IGF2BP3: variants seen among roughly 807,000 people sequenced by gnomAD.
IGF2BP3 encodes the protein insulin-like growth factor 2 mRNA-binding protein 3.
Under a neutral mutation model 73.8 loss-of-function variants are expected in IGF2BP3, and 9 were observed. The ratio of observed to expected loss-of-function variants is 0.12; its 90% CI spans 0.07 to 0.21. The LOEUF is 0.21. Ranked by LOEUF, IGF2BP3 falls within the 10% of genes least tolerant of loss-of-function variation. The pLI, the probability that IGF2BP3 is intolerant of heterozygous loss-of-function variation, is 1.00. For synonymous variants in IGF2BP3, 258 were observed against 256.7 expected (o/e 1.01, Z -0.05); for missense variants, 542 against 714.0 (o/e 0.76, Z 2.75).
At chr7:23,313,433 T>C in intron 13 of IGF2BP3, 89 bp downstream of exon 13, 1 of 1,447,912 alleles carries the variant, frequency 6.9e-7, no homozygotes, top group Non-Finnish European at 9.3e-7. Flanking sequence ...TTTTTATAAA[T>C]TAGCCAAAAT....
chr7:23,319,269 A>T lies in IGF2BP3; in HGVS notation c.1204-15T>A. 1 of 1,524,728 alleles carries T rather than the reference A, an allele frequency of 6.6e-7. No individual in the cohort carries two copies. Among genetic ancestry groups the T allele is most frequent in the Non-Finnish European group, 9.1e-7 (1 of 1,104,526 alleles). 94.4% of individuals were successfully genotyped at this position (1,524,728 alleles called of 1,614,324 possible). ...GTTTCTGATTGCTGTTAGAAAAGAA[A>T]GCCAGGACACCCATGTTTATTTGCT... On this transcript the variant is annotated splice_polypyrimidine_tract_variant and intron_variant, in intron 10 of 14. Coordinates refer to ENST00000258729, the MANE Select transcript of IGF2BP3 (RefSeq NM_006547.3).
intron 2 of IGF2BP3, among the ~76,000 whole-genome samples, chr7:23,449,643 C>T (rs1043208801): frequency 6.6e-6 from 1 of 150,484 alleles, no homozygotes. Flanking sequence ...TGCAAACCTC[C>T]GCCTCCCAGG....
At chr7:23,427,289 G>A (rs1787540782) in intron 2 of IGF2BP3, among the ~76,000 whole-genome samples, 1 of 152,158 alleles carries the variant, frequency 6.6e-6, no homozygotes, top group Admixed American at 6.6e-5. Context: ...GAGGCATTCC[G>A]TGAATTTCTT....
At chr7:23,446,858 T>A (rs889312576) in intron 2 of IGF2BP3, among the ~76,000 whole-genome samples, 1 of 152,154 alleles carries the variant, frequency 6.6e-6, no homozygotes, top group African/African-American at 2.4e-5. Context: ...CATGTGCCTC[T>A]AGATGAGGTG....
chr7:23,468,439 C>T, intron 2 of IGF2BP3, 43 bp downstream of exon 2: 5 of 1,602,224 alleles, frequency 3.1e-6, no homozygotes, highest in Non-Finnish European at 4.3e-6. Context: ...CACCCAATAA[C>T]GGAGTGAGAA....
intron 10 of IGF2BP3, among the ~76,000 whole-genome samples, chr7:23,319,543 A>G (rs973543029): frequency 6.6e-6 from 1 of 152,186 alleles, no homozygotes; most frequent in African/African-American, 2.4e-5. Flanking sequence ...GTAAAGTTTA[A>G]TCATATTAGA....
chr7:23,389,023 G>C (rs1177969632), intron 3 of IGF2BP3, among the ~76,000 whole-genome samples: 1 of 152,136 alleles, frequency 6.6e-6, no homozygotes, highest in African/African-American at 2.4e-5. Context: ...GTATATGTAT[G>C]TTAAAACTTA....
At chr7:23,352,179 C>T (rs998962486) in intron 5 of IGF2BP3, among the ~76,000 whole-genome samples, 13 of 150,774 alleles carry the variant, frequency 8.6e-5, no homozygotes, top group Non-Finnish European at 1.2e-4. Flanking sequence ...TTGTGGTTTA[C>T]GATCTGATTT....
At chr7:23,386,920 A>T (rs1447141483) in intron 3 of IGF2BP3, among the ~76,000 whole-genome samples, 1 of 152,082 alleles carries the variant, frequency 6.6e-6, no homozygotes, top group Non-Finnish European at 1.5e-5. Flanking sequence ...TACAAAAATT[A>T]AACAGGCATG....
intron 3 of IGF2BP3, among the ~76,000 whole-genome samples, chr7:23,382,264 T>G (rs942287632): frequency 6.6e-6 from 1 of 151,996 alleles, no homozygotes; most frequent in Non-Finnish European, 1.5e-5. Flanking sequence ...AACAAAAAAC[T>G]TCACTATGTA....
intron 3 of IGF2BP3, among the ~76,000 whole-genome samples, chr7:23,405,417 T>C (rs572139909): frequency 4.6e-5 from 7 of 152,336 alleles, no homozygotes; most frequent in African/African-American, 1.7e-4. Flanking sequence ...TTTGCTTCTT[T>C]TTTTCCCTCT....
At chr7:23,389,525 T>C (rs557644554) in intron 3 of IGF2BP3, among the ~76,000 whole-genome samples, 86 of 151,196 alleles carry the variant, frequency 5.7e-4, no homozygotes, top group African/African-American at 1.9e-3. Context: ...GGAAATTACA[T>C]GCAATATATT....
intron 2 of IGF2BP3, among the ~76,000 whole-genome samples, chr7:23,426,048 T>C (rs1379607424): frequency 6.6e-6 from 1 of 152,094 alleles, no homozygotes; most frequent in Non-Finnish European, 1.5e-5. Context: ...CAAAATTGTC[T>C]GGGTGCAGTG....
At chr7:23,465,235 T>G (rs1355414537) in intron 2 of IGF2BP3, among the ~76,000 whole-genome samples, 2 of 152,124 alleles carry the variant, frequency 1.3e-5, no homozygotes, top group African/African-American at 2.4e-5. Flanking sequence ...ACTTCCAAGG[T>G]GGAGGGAAAA....
Position 23,366,135 on chromosome 7 carries a change from G to A in IGF2BP3, c.286-4394C>T, listed in dbSNP as rs531159617. Reference sequence around the variant, plus strand: ...TAAATGCTATTGGTTGTCAACTTCCGTGTAAATCTTTTTTTTTTTTTAGAC... The same window carrying A: ...TAAATGCTATTGGTTGTCAACTTCCATGTAAATCTTTTTTTTTTTTTAGAC... On this transcript the variant is annotated intron_variant, in intron 3 of 14. Coordinates refer to ENST00000258729, the MANE Select transcript of IGF2BP3 (RefSeq NM_006547.3). 1.8e-4 allele frequency among the ~76,000 whole-genome samples: 27 copies of A among 151,478 alleles called. No individual in the cohort carries two copies. The East Asian group carries it at 2.1e-3, about 12-fold the overall frequency.
chr7:23,352,341 C>T (rs540256277), intron 5 of IGF2BP3, among the ~76,000 whole-genome samples: 255 of 133,786 alleles, frequency 1.9e-3, no homozygotes, highest in Middle Eastern at 5.4e-3. Context: ...CAGGCTGGAG[C>T]GCAATAGAGC....
chr7:23,313,733 T>G, intron 12 of IGF2BP3, 80 bp from the exon 13 acceptor site: 1 of 1,405,028 alleles, frequency 7.1e-7, no homozygotes, highest in Non-Finnish European at 9.8e-7. Flanking sequence ...ATGGCCCAAA[T>G]CCAAGTGGGA....
intron 10 of IGF2BP3, among the ~76,000 whole-genome samples, chr7:23,337,354 T>C (rs1784600130): frequency 6.6e-6 from 1 of 152,226 alleles, no homozygotes; most frequent in Non-Finnish European, 1.5e-5. Context: ...ACCACAGGAA[T>C]GGGAATCTGG....
intron 3 of IGF2BP3, among the ~76,000 whole-genome samples, chr7:23,384,028 A>G (rs143126666): frequency 0.012 from 1,803 of 148,712 alleles, 45 homozygotes; most frequent in African/African-American, 0.042. Flanking sequence ...CCTGGGAGGA[A>G]GAGGTTGCAG....
Sources: allele counts gnomAD v4.1 joint callset (sites outside exome capture counted in the v4.1 genomes callset), GRCh38; gene constraint gnomAD v4.1.1; transcripts MANE v1.5; gene names NCBI Gene and HGNC (gene_info 2026-07-23, HGNC 2026-07-21).